Variants in GPHN observed in about 807,000 individuals in gnomAD.
GPHN encodes gephyrin.
Under a neutral mutation model 95.5 loss-of-function variants are expected in GPHN, and 17 were observed. The observed-to-expected ratio is 0.18, with a 90% CI of 0.12 to 0.27. The LOEUF (loss-of-function observed/expected upper bound fraction) is 0.27. GPHN is among the 10% of genes least tolerant of loss of function. GPHN has a pLI of 1.00. For missense variants in GPHN, 660 were observed against 978.1 expected (o/e 0.67, Z 4.34); for synonymous variants, 320 against 322.5 (o/e 0.99, Z 0.08).
At chr14:67,587,115 T>C in the GPHN span, 8 of 1,613,626 alleles carry the variant, frequency 5.0e-6, no homozygotes, top group East Asian at 2.2e-5. Context: ...ATATGAACCA[T>C]TGCACTACAA....
the GPHN span, among the ~76,000 whole-genome samples, chr14:67,463,640 A>AG: frequency 2.2e-5 from 1 of 46,180 alleles, no homozygotes; most frequent in Non-Finnish European, 3.6e-5. Flanking sequence ...CTCCGTCTCA[A>AG]AAAAAAAAAA....
chr14:67,313,409 T>C, the GPHN span, among the ~76,000 whole-genome samples: 1 of 152,198 alleles, frequency 6.6e-6, no homozygotes, highest in African/African-American at 2.4e-5. Flanking sequence ...AGCTAGGCTA[T>C]GTGGTATAGC....
the GPHN span, chr14:67,600,414 G>A: frequency 6.4e-5 from 33 of 518,182 alleles, no homozygotes; most frequent in Non-Finnish European, 2.7e-5. Context: ...AAAAAACCTC[G>A]TCGGGGCAAT....
chr14:67,149,718 G>A (rs925615404), intron 18 of GPHN, among the ~76,000 whole-genome samples: 8 of 152,070 alleles, frequency 5.3e-5, no homozygotes, highest in African/African-American at 1.9e-4. Context: ...AGAAAACTAG[G>A]GAGCTTGGAT....
In GPHN at chr14:67,179,946, CAGA is replaced by C. The variant is rs112540041; in HGVS notation, c.2176+276_2176+278del. 1.5e-3 allele frequency among the ~76,000 whole-genome samples: 222 copies of C among 152,242 alleles called. 1 individual carries two copies. Among genetic ancestry groups the C allele is most frequent in the African/African-American group, 5.3e-3 (220 of 41,542 alleles). ...ATGTCCTGTAATAAATCTGGAATTACAGAAGATTTGATATGTTTGTTCAACCAA... is the reference window on the plus strand; with the variant it reads ...ATGTCCTGTAATAAATCTGGAATTACAGATTTGATATGTTTGTTCAACCAA... On this transcript the variant is annotated intron_variant, in intron 22 of 22. Coordinates refer to ENST00000478722, the MANE Select transcript of GPHN (RefSeq NM_020806.5).
the GPHN span, among the ~76,000 whole-genome samples, chr14:67,669,962 C>G: frequency 6.6e-6 from 1 of 152,036 alleles, no homozygotes; most frequent in Non-Finnish European, 1.5e-5. Context: ...AGGCCTGGTG[C>G]CATGCACCTG....
intron 10 of GPHN, among the ~76,000 whole-genome samples, chr14:67,037,045 T>C (rs2074455864): frequency 1.3e-5 from 2 of 151,966 alleles, no homozygotes; most frequent in Admixed American, 1.3e-4. Context: ...ATTACAAAGT[T>C]ACAGTAATCA....
At chr14:66,825,988 T>C (rs890393904) in intron 4 of GPHN, among the ~76,000 whole-genome samples, 1 of 152,232 alleles carries the variant, frequency 6.6e-6, no homozygotes, top group Admixed American at 6.5e-5. Context: ...TGTTAAGATA[T>C]GGATTTTTGG....
the GPHN span, among the ~76,000 whole-genome samples, chr14:67,566,800 A>C: frequency 1.3e-5 from 2 of 150,968 alleles, no homozygotes; most frequent in Non-Finnish European, 2.9e-5. Flanking sequence ...GGTTAAGTGT[A>C]TGTGTGTGAG....
the GPHN span, among the ~76,000 whole-genome samples, chr14:67,439,539 T>TTCTC: frequency 2.7e-3 from 151 of 56,152 alleles, no homozygotes; most frequent in South Asian, 4.4e-3. Flanking sequence ...AATAGTTTCT[T>TTCTC]TCTTTCTTTC....
intron 22 of GPHN, among the ~76,000 whole-genome samples, 170 bp from the exon 23 acceptor site, chr14:67,180,634 G>T (rs1333515353): frequency 1.3e-5 from 2 of 152,126 alleles, no homozygotes; most frequent in African/African-American, 4.8e-5. Flanking sequence ...ATGAGAAGGT[G>T]GTAGGATATA....
At chr14:67,260,344 C>T in the GPHN span, among the ~76,000 whole-genome samples, 1 of 152,130 alleles carries the variant, frequency 6.6e-6, no homozygotes, top group Non-Finnish European at 1.5e-5. Flanking sequence ...CACAACCCTC[C>T]TCTCTCTCAT....
At chr14:67,589,964 C>G in the GPHN span, 1 of 1,381,202 alleles carries the variant, frequency 7.2e-7, no homozygotes, top group Non-Finnish European at 9.4e-7. Context: ...TGCACTACAT[C>G]CATAATGGTT....
chr14:67,587,290 T>C, the GPHN span: 2 of 1,596,834 alleles, frequency 1.3e-6, no homozygotes, highest in Non-Finnish European at 1.7e-6. Flanking sequence ...TTTAGAGATA[T>C]ATATCCTAGG....
chr14:67,495,126 G>T, the GPHN span, among the ~76,000 whole-genome samples: 1 of 152,220 alleles, frequency 6.6e-6, no homozygotes, highest in Admixed American at 6.5e-5. Flanking sequence ...AGGACAGGGG[G>T]TGGGGCCCAG....
chr14:67,038,082 C>G (rs1034299178), intron 10 of GPHN, among the ~76,000 whole-genome samples: 1 of 151,852 alleles, frequency 6.6e-6, no homozygotes, highest in East Asian at 1.9e-4. Flanking sequence ...AGGGGATAGG[C>G]AAAATATGGT....
chr14:66,594,606 G>A (rs1361367940), intron 1 of GPHN, among the ~76,000 whole-genome samples: 1 of 152,174 alleles, frequency 6.6e-6, no homozygotes, highest in Non-Finnish European at 1.5e-5. Context: ...GGGAAACTGG[G>A]TGTTCACTTG....
At chr14:66,623,513 G>T (rs1039252852) in intron 1 of GPHN, among the ~76,000 whole-genome samples, 1 of 151,502 alleles carries the variant, frequency 6.6e-6, no homozygotes, top group Non-Finnish European at 1.5e-5. Flanking sequence ...AGTTACTTGG[G>T]ATGCTGAGGC....
intron 9 of GPHN, among the ~76,000 whole-genome samples, chr14:66,982,570 A>G (rs368889815): frequency 6.6e-6 from 1 of 152,220 alleles, no homozygotes; most frequent in Non-Finnish European, 1.5e-5. Flanking sequence ...AGATTGAAGT[A>G]TTTTGGATCC....
Sources: gnomAD v4.1 joint callset for allele counts (sites outside exome capture counted in the v4.1 genomes callset) on GRCh38, gnomAD v4.1.1 for gene constraint, MANE v1.5 for transcripts, NCBI Gene and HGNC (gene_info 2026-07-23, HGNC 2026-07-21) for gene names.